Variants in ASIC2 observed in about 807,000 individuals in gnomAD.
ASIC2 encodes acid sensing ion channel subunit 2.
Under a neutral mutation model 57.3 loss-of-function variants are expected in ASIC2, and 25 were observed. The observed-to-expected ratio is 0.44, with a 90% CI of 0.32 to 0.61. ASIC2 has a LOEUF of 0.61. Among genes scored for constraint, ASIC2 ranks in the 20% least tolerant of loss-of-function variants. The pLI is 0.06. For missense variants in ASIC2, 641 were observed against 738.1 expected (o/e 0.87, Z 1.52); for synonymous variants, 319 against 307.5 (o/e 1.04, Z -0.39).
chr17:33,692,782 G>T (rs1388021268), intron 1 of ASIC2, among the ~76,000 whole-genome samples: 7 of 152,100 alleles, frequency 4.6e-5, no homozygotes, highest in African/African-American at 1.7e-4. Flanking sequence ...TGAATAATGT[G>T]TTGCACTATG....
chr17:34,085,758 T>C (rs1293267837), intron 1 of ASIC2, among the ~76,000 whole-genome samples: 1 of 152,178 alleles, frequency 6.6e-6, no homozygotes, highest in Non-Finnish European at 1.5e-5. Context: ...CTTCCTGGTT[T>C]AGTCTTGGGA....
chr17:33,885,723 T>G (rs1914812778), intron 1 of ASIC2, among the ~76,000 whole-genome samples: 1 of 152,216 alleles, frequency 6.6e-6, no homozygotes, highest in Non-Finnish European at 1.5e-5. Flanking sequence ...GTCAGCTCAC[T>G]TTTCAAGGCC....
intron 3 of ASIC2, among the ~76,000 whole-genome samples, chr17:33,086,696 C>T (rs183027469): frequency 1.3e-5 from 2 of 152,246 alleles, no homozygotes; most frequent in East Asian, 3.9e-4. Flanking sequence ...CCTCTATCCC[C>T]TCTTAAAGTG....
At chr17:33,271,978 G>A (rs1904510156) in intron 1 of ASIC2, among the ~76,000 whole-genome samples, 1 of 152,170 alleles carries the variant, frequency 6.6e-6, no homozygotes, top group Admixed American at 6.5e-5. Context: ...AAGACATACA[G>A]GCCTTCATTC....
intron 1 of ASIC2, chr17:33,827,688 T>C (rs1412008763): frequency 6.6e-6 from 1 of 152,064 alleles, no homozygotes; most frequent in East Asian, 1.9e-4. Flanking sequence ...AAACAACAAC[T>C]TACTACAGTA....
intron 1 of ASIC2, among the ~76,000 whole-genome samples, chr17:33,799,820 A>G (rs1567719305): frequency 6.6e-6 from 1 of 152,214 alleles, no homozygotes; most frequent in East Asian, 1.9e-4. Context: ...TACATAGATG[A>G]TAATGTGAAT....
At chr17:33,320,886 C>A (rs767775198) in intron 1 of ASIC2, among the ~76,000 whole-genome samples, 3 of 152,138 alleles carry the variant, frequency 2.0e-5, no homozygotes, top group Non-Finnish European at 4.4e-5. Context: ...TGCTTGCCAT[C>A]CTTACTCTAC....
intron 1 of ASIC2, among the ~76,000 whole-genome samples, chr17:33,170,564 T>C (rs375209082): frequency 3.2e-4 from 49 of 152,318 alleles, no homozygotes; most frequent in South Asian, 1.0e-3. Flanking sequence ...GTCCCTTTCA[T>C]GTAGGCTTCA....
At chr17:33,469,152 G>A (rs1410096705) in intron 1 of ASIC2, among the ~76,000 whole-genome samples, 1 of 152,220 alleles carries the variant, frequency 6.6e-6, no homozygotes, top group Non-Finnish European at 1.5e-5. Context: ...GAAGCGCTTG[G>A]CAAAGACAGG....
chr17:33,377,824 C>T (rs1215046659), intron 1 of ASIC2, among the ~76,000 whole-genome samples: 1 of 152,188 alleles, frequency 6.6e-6, no homozygotes, highest in East Asian at 1.9e-4. Context: ...GATGCTGGCA[C>T]CTTGGTCAAG....
At chr17:33,353,652 C>T (rs1398695301) in intron 1 of ASIC2, among the ~76,000 whole-genome samples, 1 of 152,134 alleles carries the variant, frequency 6.6e-6, no homozygotes, top group African/African-American at 2.4e-5. Context: ...CTTATTTATT[C>T]TTTAAGGCCC....
At chr17:33,895,168 T>TTC (rs1915064697) in intron 1 of ASIC2, among the ~76,000 whole-genome samples, 3 of 144,368 alleles carry the variant, frequency 2.1e-5, no homozygotes, top group East Asian at 2.0e-4. Flanking sequence ...TTTTTGCTAT[T>TTC]TTTTTTTTTT....
intron 1 of ASIC2, among the ~76,000 whole-genome samples, chr17:33,303,975 G>T (rs551993376): frequency 6.6e-6 from 1 of 152,256 alleles, no homozygotes; most frequent in South Asian, 2.1e-4. Context: ...CCATACCCTA[G>T]GGTTCCCCAA....
rs567782773 is a variant in ASIC2, at chr17:34,090,854, T to C, written c.555+65124A>G. Among the ~76,000 whole-genome samples the C allele has an allele frequency of 1.1e-4, 16 of 152,320 alleles. No individual in the cohort carries two copies. In the East Asian group the frequency reaches 3.1e-3, roughly 29 times the overall value. On this transcript the variant is annotated intron_variant, in intron 1 of 9. Transcript: ENST00000359872. ...CTCTTCCGCTTTTATTCCTTATCCA[T>C]GCCCACTTCTGCCTGTGGGATTTGG...
intron 1 of ASIC2, among the ~76,000 whole-genome samples, chr17:33,718,771 C>T (rs139915760): frequency 6.6e-6 from 1 of 152,036 alleles, no homozygotes; most frequent in Admixed American, 6.6e-5. Context: ...TAGGCAAATG[C>T]GACACTCAGG....
At chr17:33,402,827 G>A (rs142954479) in intron 1 of ASIC2, among the ~76,000 whole-genome samples, 1 of 152,214 alleles carries the variant, frequency 6.6e-6, no homozygotes, top group Non-Finnish European at 1.5e-5. Flanking sequence ...TGCATCAAAT[G>A]GCATTTCCAG....
At chr17:33,100,623 T>C (rs1016656318) in intron 2 of ASIC2, among the ~76,000 whole-genome samples, 46 of 152,212 alleles carry the variant, frequency 3.0e-4, no homozygotes, top group Non-Finnish European at 1.3e-4. Flanking sequence ...ACACTTTATA[T>C]GAAAGTTGTT....
intron 1 of ASIC2, among the ~76,000 whole-genome samples, chr17:33,565,545 G>A (rs558136980): frequency 5.3e-5 from 8 of 152,246 alleles, no homozygotes; most frequent in African/African-American, 1.2e-4. Context: ...CCTTACCAGT[G>A]CCCATGCACG....
intron 3 of ASIC2, among the ~76,000 whole-genome samples, chr17:33,054,624 G>C (rs893653732): frequency 3.3e-5 from 5 of 152,202 alleles, no homozygotes; most frequent in Non-Finnish European, 5.9e-5. Flanking sequence ...TTTATCATTA[G>C]AGAAAAGCTT....
Sources: gnomAD v4.1 joint callset for allele counts (sites outside exome capture counted in the v4.1 genomes callset) on GRCh38, gnomAD v4.1.1 for gene constraint, MANE v1.5 for transcripts, NCBI Gene and HGNC (gene_info 2026-07-23, HGNC 2026-07-21) for gene names.